Variants in DOK6 observed in about 807,000 individuals in gnomAD.
The protein encoded by DOK6 is docking protein 6.
In DOK6, 22 loss-of-function variants were observed where a neutral mutation model predicts 44.0. The observed-to-expected ratio is 0.50, with a 90% CI of 0.36 to 0.71. The LOEUF (loss-of-function observed/expected upper bound fraction) is 0.71. Ranked by LOEUF, DOK6 falls within the 30% of genes least tolerant of loss-of-function variation. The pLI is 0.00. For synonymous variants in DOK6, 166 were observed against 145.5 expected, an observed-to-expected ratio of 1.14 and a Z score of -1.01; for missense variants, 340 against 416.4, an observed-to-expected ratio of 0.82 and a Z score of 1.60.
chr18:69,499,869 A>T (rs149215302), intron 1 of DOK6, among the ~76,000 whole-genome samples: 1 of 152,112 alleles, frequency 6.6e-6, no homozygotes, highest in East Asian at 1.9e-4. Flanking sequence ...CCTAATTTCT[A>T]TCTTTCCCTC....
chr18:69,519,447 A>G (rs932106537), intron 1 of DOK6, among the ~76,000 whole-genome samples: 3 of 151,996 alleles, frequency 2.0e-5, no homozygotes, highest in African/African-American at 7.2e-5. Flanking sequence ...CACACATACA[A>G]GAAGAAAAAA....
chr18:69,593,084 G>T (rs568905991), intron 2 of DOK6, among the ~76,000 whole-genome samples: 8 of 152,210 alleles, frequency 5.3e-5, no homozygotes, highest in African/African-American at 1.9e-4. Flanking sequence ...GTTAGGCACA[G>T]TGGCATGATG....
Position 69,800,423 on chromosome 18 carries a change from TG to T in DOK6, c.857-40819del, listed in dbSNP as rs776305957. Among the ~76,000 whole-genome samples, 173 of 152,308 alleles carry T rather than the reference TG, an allele frequency of 1.1e-3. 1 individual carries two copies. Among genetic ancestry groups the T allele is most frequent in the Non-Finnish European group, 1.8e-3 (125 of 68,018 alleles). ...CTAGAGAAATTACCCATTATGCCTC[TG>T]GAAAAGATATTAAGTGCTATTATTA... On this transcript the variant is annotated intron_variant, in intron 7 of 7. Transcript: ENST00000382713.
rs1469272499 is a variant in DOK6 at position 69,847,247 on chromosome 18, T to C, written c.*5864T>C. The C allele has an allele frequency of 6.6e-6, 1 of 152,150 alleles. No individual in the cohort carries two copies. Among genetic ancestry groups the C allele is most frequent in the African/African-American group, 2.4e-5 (1 of 41,430 alleles). The allele number at this position is 152,150 out of a possible 1,614,324, so 9.4% of individuals were successfully genotyped here. On this transcript the variant is annotated 3_prime_UTR_variant, in exon 8 of 8. Coordinates refer to ENST00000382713, the MANE Select transcript of DOK6 (RefSeq NM_152721.6). ...CATTATTTTGGGCCCATGTTAGCAG[T>C]TGAAACAATTAAGTTCCTCACTCTT...
intron 1 of DOK6, among the ~76,000 whole-genome samples, chr18:69,501,931 T>A (rs563359746): frequency 1.8e-4 from 28 of 152,224 alleles, no homozygotes; most frequent in African/African-American, 6.0e-4. Context: ...ATTGATTGTG[T>A]AGGAAACAGA....
chr18:69,402,920 C>T (rs577316214), intron 1 of DOK6, among the ~76,000 whole-genome samples: 5 of 152,310 alleles, frequency 3.3e-5, no homozygotes, highest in African/African-American at 1.2e-4. Flanking sequence ...TCTGGTTGTT[C>T]CTCGCAGCCG....
At chr18:69,437,344 G>A (rs1049308875) in intron 1 of DOK6, among the ~76,000 whole-genome samples, 7 of 152,174 alleles carry the variant, frequency 4.6e-5, no homozygotes, top group African/African-American at 1.4e-4. Context: ...TAAGATGTAA[G>A]AAAGGGGTCC....
intron 1 of DOK6, among the ~76,000 whole-genome samples, chr18:69,413,200 A>G (rs1451546029): frequency 6.6e-6 from 1 of 152,138 alleles, no homozygotes; most frequent in Non-Finnish European, 1.5e-5. Context: ...CATATAATTG[A>G]TAAAACAGCA....
intron 3 of DOK6, among the ~76,000 whole-genome samples, chr18:69,657,294 T>C (rs1015012884): frequency 2.3e-4 from 35 of 152,192 alleles, no homozygotes; most frequent in African/African-American, 8.2e-4. Flanking sequence ...CTTGCGTCTG[T>C]CAGTGGAACC....
intron 1 of DOK6, among the ~76,000 whole-genome samples, chr18:69,461,273 C>A (rs1979778991): frequency 1.3e-5 from 2 of 152,138 alleles, no homozygotes; most frequent in South Asian, 4.2e-4. Context: ...GAAATGCTTC[C>A]CAGAATTACT....
intron 2 of DOK6, among the ~76,000 whole-genome samples, chr18:69,571,317 G>A (rs530355129): frequency 6.6e-6 from 1 of 151,610 alleles, no homozygotes; most frequent in Non-Finnish European, 1.5e-5. Context: ...TAAGAAAGGA[G>A]AAAAGAGGTA....
In DOK6 at chr18:69,669,532, G is replaced by A. The variant is rs558226745; in HGVS notation, c.290-8202G>A. On this transcript the variant is annotated intron_variant, in intron 3 of 7. Transcript: ENST00000382713. ...ATGTGTTTTTTAAATCACATGCTTG[G>A]CCTTTTATATGACACCTGTCCTTTA... Among the ~76,000 whole-genome samples the A allele has an allele frequency of 1.5e-3, 231 of 152,194 alleles. 3 individuals carry two copies. Among genetic ancestry groups the A allele is most frequent in the South Asian group, 9.6e-3 (46 of 4,810 alleles).
chr18:69,555,343 G>A (rs1262677421), intron 1 of DOK6, among the ~76,000 whole-genome samples: 1 of 152,116 alleles, frequency 6.6e-6, no homozygotes, highest in East Asian at 1.9e-4. Flanking sequence ...AAATCTTGTT[G>A]AGTGGGCATT....
At chr18:69,623,700 C>T (rs772025777) in intron 3 of DOK6, among the ~76,000 whole-genome samples, 1 of 152,186 alleles carries the variant, frequency 6.6e-6, no homozygotes, top group Non-Finnish European at 1.5e-5. Flanking sequence ...GCTTCTCTTA[C>T]AGTGTCCTAC....
At chr18:69,659,528 C>T (rs1038647742) in intron 3 of DOK6, among the ~76,000 whole-genome samples, 11 of 152,156 alleles carry the variant, frequency 7.2e-5, no homozygotes, top group South Asian at 6.2e-4. Context: ...CAGCTGAATC[C>T]GGTTAATTAC....
At chr18:69,662,701 T>C (rs1215118078) in intron 3 of DOK6, 1 of 152,226 alleles carries the variant, frequency 6.6e-6, no homozygotes, top group Admixed American at 6.5e-5. Flanking sequence ...AAAGTCAGTT[T>C]TAAAATCTGC....
chr18:69,443,964 C>T (rs915559910), intron 1 of DOK6, among the ~76,000 whole-genome samples: 3 of 151,370 alleles, frequency 2.0e-5, no homozygotes, highest in African/African-American at 7.3e-5. Flanking sequence ...CACACATAAT[C>T]ATATATATAT....
chr18:69,677,758 A>ATTG lies in DOK6; in HGVS notation c.314_315insTTG (p.Lys105delinsAsnTrp). ...GAGCTGGAGGCCGAGGAGTGGTGCA[A>ATTG]GCACCTCTGCATGGAGTGTCTGGGG... On this transcript the variant is annotated protein_altering_variant, in exon 4 of 8. Coordinates refer to ENST00000382713, the MANE Select transcript of DOK6 (RefSeq NM_152721.6). The ATTG allele has an allele frequency of 6.2e-7, 1 of 1,613,676 alleles. No homozygotes were observed. Among genetic ancestry groups the ATTG allele is most frequent in the Non-Finnish European group, 8.5e-7 (1 of 1,179,728 alleles).
chr18:69,685,225 CA>C (rs371553120), intron 4 of DOK6, among the ~76,000 whole-genome samples: 4 of 151,824 alleles, frequency 2.6e-5, no homozygotes, highest in East Asian at 1.9e-4. Flanking sequence ...TTCGATTATC[CA>C]TTTTTTTTTC....
Sources: allele counts gnomAD v4.1 joint callset (sites outside exome capture counted in the v4.1 genomes callset), GRCh38; gene constraint gnomAD v4.1.1; transcripts MANE v1.5; gene names NCBI Gene and HGNC (gene_info 2026-07-23, HGNC 2026-07-21).